CLSTN1: variants seen among roughly 807,000 people sequenced by gnomAD.
CLSTN1 encodes the protein calsyntenin-1.
In CLSTN1, 28 loss-of-function variants were observed where a neutral mutation model predicts 108.3. That is an observed-to-expected ratio of 0.26 (90% CI 0.19 to 0.35). The LOEUF (loss-of-function observed/expected upper bound fraction) is 0.35, where lower values mean the gene tolerates loss of function less well. Among genes scored for constraint, CLSTN1 ranks in the 10% least tolerant of loss-of-function variants. The pLI is 1.00. For synonymous variants in CLSTN1, 524 were observed against 534.9 expected (o/e 0.98, Z 0.28); for missense variants, 1,157 against 1,302.6 (o/e 0.89, Z 1.72).
intron 1 of CLSTN1, among the ~76,000 whole-genome samples, chr1:9,786,959 G>A (rs1225291666): frequency 6.6e-6 from 1 of 151,502 alleles, no homozygotes; most frequent in African/African-American, 2.4e-5. Flanking sequence ...TAAGAAGGAA[G>A]CAAGGGGACC....
intron 1 of CLSTN1, among the ~76,000 whole-genome samples, chr1:9,806,595 C>G (rs139611247): frequency 1.8e-3 from 278 of 152,042 alleles, no homozygotes; most frequent in African/African-American, 6.2e-3. Context: ...AAAATAGACA[C>G]GAGGCCGGGC....
intron 1 of CLSTN1, among the ~76,000 whole-genome samples, chr1:9,778,500 T>C (rs1653066807): frequency 6.6e-6 from 1 of 152,092 alleles, no homozygotes; most frequent in South Asian, 2.1e-4. Flanking sequence ...TTTCTCCAGG[T>C]GGATGTTCTG....
At chr1:9,758,235 C>T (rs914599726) in intron 2 of CLSTN1, among the ~76,000 whole-genome samples, 3 of 152,140 alleles carry the variant, frequency 2.0e-5, no homozygotes, top group South Asian at 2.1e-4. Flanking sequence ...TCAGGTGATC[C>T]GCCCGCCTCG....
chr1:9,745,321 T>G (rs1057457107), intron 7 of CLSTN1, among the ~76,000 whole-genome samples: 2 of 151,790 alleles, frequency 1.3e-5, no homozygotes, highest in East Asian at 3.9e-4. Context: ...CACCCAGTCC[T>G]CCTTTGGTAA....
At chr1:9,737,077 CAAAAA>C (rs575605558) in intron 11 of CLSTN1, among the ~76,000 whole-genome samples, 1 of 144,758 alleles carries the variant, frequency 6.9e-6, no homozygotes, top group African/African-American at 2.5e-5. Context: ...CATCTCAAAA[CAAAAA>C]AAAAAGAGAG....
chr1:9,818,386 C>T (rs12034401), intron 1 of CLSTN1, among the ~76,000 whole-genome samples: 12,987 of 150,236 alleles, frequency 0.086, 1,011 homozygotes, highest in East Asian at 0.39. Flanking sequence ...TGGAGTGCGG[C>T]GGTGTGATCT....
chr1:9,783,060 G>A (rs117646257), intron 1 of CLSTN1, among the ~76,000 whole-genome samples: 3 of 152,184 alleles, frequency 2.0e-5, no homozygotes, highest in East Asian at 1.9e-4. Context: ...CACAAGTAAC[G>A]GGGATTTCAG....
chr1:9,769,985 G>A (rs972237641), intron 2 of CLSTN1, among the ~76,000 whole-genome samples: 8 of 149,492 alleles, frequency 5.4e-5, no homozygotes, highest in African/African-American at 7.4e-5. Flanking sequence ...AGCCGAGATC[G>A]CGCCACTGCA....
At chr1:9,800,415 T>G (rs896353436) in intron 1 of CLSTN1, among the ~76,000 whole-genome samples, 6 of 151,268 alleles carry the variant, frequency 4.0e-5, no homozygotes, top group Non-Finnish European at 7.4e-5. Context: ...TAAGACCCCA[T>G]GGATTAAAAA....
At chr1:9,767,635 A>G (rs1652408892) in intron 2 of CLSTN1, among the ~76,000 whole-genome samples, 1 of 152,010 alleles carries the variant, frequency 6.6e-6, no homozygotes, top group Non-Finnish European at 1.5e-5. Flanking sequence ...CAGGCACTCA[A>G]TAAACGTTAG....
chr1:9,777,378 C>G (rs530322020), intron 1 of CLSTN1, among the ~76,000 whole-genome samples: 12 of 151,720 alleles, frequency 7.9e-5, no homozygotes, highest in Non-Finnish European at 5.9e-5. Context: ...CAAAAATTAG[C>G]TGGGCGTGGT....
intron 2 of CLSTN1, among the ~76,000 whole-genome samples, chr1:9,771,308 C>T (rs574910835): frequency 5.3e-5 from 8 of 152,186 alleles, no homozygotes; most frequent in African/African-American, 1.7e-4. Flanking sequence ...GGTGAAACCT[C>T]GTCTCTACTA....
intron 1 of CLSTN1, among the ~76,000 whole-genome samples, chr1:9,800,176 A>G (rs572400078): frequency 6.6e-6 from 1 of 152,262 alleles, no homozygotes; most frequent in Non-Finnish European, 1.5e-5. Context: ...GAAACTAGAA[A>G]AAGATCAGCA....
In CLSTN1 at chr1:9,730,395, G is replaced by T; in HGVS notation, c.*113C>A. On this transcript the variant is annotated 3_prime_UTR_variant, in exon 19 of 19. Coordinates refer to ENST00000377298, the MANE Select transcript of CLSTN1 (RefSeq NM_001009566.3). This position sits in a 1 kb window ranked among gnomAD's most constrained non-coding sequence, Gnocchi z 5.6. ...ACAGCGACGATCGTGGCGGGGAGGG[G>T]TCTGCACACCTACTGGCCGAAATGA... The T allele has an allele frequency of 1.0e-6, 1 of 961,276 alleles. No individual in the cohort carries two copies. The highest frequency in any genetic ancestry group is 1.8e-5 in the Admixed American group (1 of 56,124). 59.5% of individuals were successfully genotyped at this position (961,276 alleles called of 1,614,324 possible).
rs762619559 is a variant in CLSTN1 at position 9,760,684 on chromosome 1, GT to G, written c.215-4175del. 3.6e-3 allele frequency among the ~76,000 whole-genome samples: 364 copies of G among 102,430 alleles called. 1 individual carries two copies. The highest frequency in any genetic ancestry group is 0.03 in the East Asian group (102 of 3,406). 67.2% of individuals were successfully genotyped at this position (102,430 alleles called of 152,430 possible). A position where few individuals can be genotyped will look rare whatever the true frequency, so the allele number is the denominator to read the frequency against. On this transcript the variant is annotated intron_variant, in intron 2 of 18. Transcript: ENST00000377298. The stretch of plus-strand genomic sequence containing the variant: ...ACAGGTGCATGCCACCCATTCCCGG[GT>G]TTTTTTTTTTTTTTTTTTTTTTGGC...
intron 2 of CLSTN1, among the ~76,000 whole-genome samples, chr1:9,758,483 T>TTTTTGTTA (rs1651923698): frequency 6.6e-6 from 1 of 151,302 alleles, no homozygotes; most frequent in Admixed American, 6.6e-5. Flanking sequence ...CTCGCTAATT[T>TTTTTGTTA]TTGTATTTTT....
rs1290507745 is a variant in CLSTN1, at chr1:9,734,136, T to C, written c.2117A>G (p.Glu706Gly). Residue 706 changes from glutamate to glycine, a missense_variant, in exon 15 of 19, where the codon GAA (glutamate) becomes GGA (glycine). Physicochemically the swap from Glu to Gly is moderately conservative, Grantham distance 98. Coordinates refer to ENST00000377298, the MANE Select transcript of CLSTN1 (RefSeq NM_001009566.3). This position sits in a 1 kb window ranked among gnomAD's most constrained non-coding sequence, Gnocchi z 4.8. Reference sequence around the variant, plus strand: ...CACGATCTCCTCGGACACCAGTGATTCTTGAACTGCAAAAGAGGCCCAACC... The same window carrying C: ...CACGATCTCCTCGGACACCAGTGATCCTTGAACTGCAAAAGAGGCCCAACC... ...GDGAEDPTVQ[E>G]SLVSEEIVHD... 2 of 1,613,872 alleles carry C rather than the reference T, an allele frequency of 1.2e-6. No homozygotes were observed. The highest frequency in any genetic ancestry group is 1.7e-6 in the Non-Finnish European group (2 of 1,179,982).
chr1:9,757,463 G>A (rs576183620), intron 2 of CLSTN1, among the ~76,000 whole-genome samples: 14 of 151,782 alleles, frequency 9.2e-5, no homozygotes, highest in East Asian at 7.8e-4. Flanking sequence ...GGATGGTCTC[G>A]ATCTCCTGAC....
At chr1:9,806,596 G>A (rs1382399618) in intron 1 of CLSTN1, among the ~76,000 whole-genome samples, 2 of 151,944 alleles carry the variant, frequency 1.3e-5, no homozygotes, top group African/African-American at 2.4e-5. Context: ...AAATAGACAC[G>A]AGGCCGGGCG....
Sources: allele counts gnomAD v4.1 joint callset (sites outside exome capture counted in the v4.1 genomes callset), GRCh38; gene constraint gnomAD v4.1.1; non-coding constraint Gnocchi (gnomAD v3.1); transcripts MANE v1.5; gene names NCBI Gene and HGNC (gene_info 2026-07-23, HGNC 2026-07-21).